Variants in LPP observed in about 807,000 individuals in gnomAD.
LPP encodes the protein lipoma-preferred partner.
LPP carries 38 observed loss-of-function variants against 60.4 expected under a neutral mutation model. The ratio of observed to expected loss-of-function variants is 0.63; its 90% confidence interval spans 0.49 to 0.83. The LOEUF is 0.83. LPP is among the 40% of genes least tolerant of loss of function. LPP has a pLI of 0.00. For synonymous variants in LPP, 328 were observed against 290.8 expected, an observed-to-expected ratio of 1.13 and a Z score of -1.30; for missense variants, 902 against 783.6, an observed-to-expected ratio of 1.15 and a Z score of -1.80.
At chr3:188,216,957 A>G (rs975904812) in intron 1 of LPP, among the ~76,000 whole-genome samples, 1 of 152,212 alleles carries the variant, frequency 6.6e-6, no homozygotes, top group Non-Finnish European at 1.5e-5. Flanking sequence ...AATTTTATTA[A>G]ATCTTTATTG....
intron 2 of LPP, among the ~76,000 whole-genome samples, chr3:188,284,340 T>C (rs1743185369): frequency 6.6e-6 from 1 of 152,100 alleles, no homozygotes; most frequent in Admixed American, 6.5e-5. Flanking sequence ...TAGTGTTTAT[T>C]CAAGGTGGAG....
intron 3 of LPP, among the ~76,000 whole-genome samples, chr3:188,387,361 A>T (rs1190533677): frequency 6.6e-6 from 1 of 152,150 alleles, no homozygotes; most frequent in African/African-American, 2.4e-5. Context: ...GACATCATAC[A>T]TTAAGCATTT....
chr3:188,689,895 G>A (rs1024301628), intron 7 of LPP, among the ~76,000 whole-genome samples: 1 of 150,340 alleles, frequency 6.7e-6, no homozygotes, highest in Admixed American at 6.6e-5. Context: ...ACACATGATG[G>A]TATATCAGGA....
At chr3:188,804,516 A>G (rs1012302275) in intron 9 of LPP, among the ~76,000 whole-genome samples, 2 of 151,602 alleles carry the variant, frequency 1.3e-5, no homozygotes, top group African/African-American at 4.8e-5. Flanking sequence ...ACAGTCCAGT[A>G]CTCACTCTTC....
At chr3:188,376,333 G>T (rs1337881666) in intron 3 of LPP, among the ~76,000 whole-genome samples, 1 of 151,784 alleles carries the variant, frequency 6.6e-6, no homozygotes, top group African/African-American at 2.4e-5. Flanking sequence ...TTATTGTGTG[G>T]GAGTCTAAGT....
intron 4 of LPP, among the ~76,000 whole-genome samples, chr3:188,468,547 T>G (rs951159060): frequency 2.6e-5 from 4 of 152,158 alleles, no homozygotes; most frequent in Non-Finnish European, 5.9e-5. Flanking sequence ...TGTCAGTTTA[T>G]AACATTGTGC....
intron 6 of LPP, among the ~76,000 whole-genome samples, chr3:188,567,389 T>C (rs555289879): frequency 6.6e-6 from 1 of 152,054 alleles, no homozygotes; most frequent in South Asian, 2.1e-4. Flanking sequence ...TTTCTCACAG[T>C]TTAATTTCTT....
chr3:188,295,776 C>T (rs1361593567), intron 2 of LPP, among the ~76,000 whole-genome samples: 1 of 152,214 alleles, frequency 6.6e-6, no homozygotes, highest in Admixed American at 6.5e-5. Flanking sequence ...TGAAGTGAGC[C>T]TCAGCCTCCC....
chr3:188,787,423 C>G (rs377645769), intron 9 of LPP, among the ~76,000 whole-genome samples: 1 of 151,554 alleles, frequency 6.6e-6, no homozygotes, highest in African/African-American at 2.4e-5. Flanking sequence ...CTCTCTCTTA[C>G]ACACACACGC....
chr3:188,412,194 G>A (rs146244268), intron 4 of LPP, among the ~76,000 whole-genome samples: 273 of 152,046 alleles, frequency 1.8e-3, no homozygotes, highest in African/African-American at 6.3e-3. Context: ...GGCATGACAT[G>A]CCAGTTCTCA....
chr3:188,700,588 G>A (rs1864202842), intron 7 of LPP, among the ~76,000 whole-genome samples: 1 of 152,164 alleles, frequency 6.6e-6, no homozygotes, highest in South Asian at 2.1e-4. Context: ...GGGATGATAA[G>A]GTGATTAACC....
intron 9 of LPP, among the ~76,000 whole-genome samples, chr3:188,773,351 G>T (rs921697733): frequency 6.5e-5 from 8 of 123,328 alleles, no homozygotes; most frequent in Non-Finnish European, 1.1e-4. Flanking sequence ...TATTATGTAG[G>T]TCTTCAAAGA....
chr3:188,583,462 C>T (rs746018058), intron 6 of LPP, among the ~76,000 whole-genome samples: 2 of 152,132 alleles, frequency 1.3e-5, no homozygotes, highest in Non-Finnish European at 2.9e-5. Flanking sequence ...ATTTTCAGCA[C>T]ACTCCTCTGG....
chr3:188,423,431 A>C (rs12636056), intron 4 of LPP, among the ~76,000 whole-genome samples: 92,411 of 152,070 alleles, frequency 0.61, 30,322 homozygotes, highest in East Asian at 0.99. Context: ...TTCATAGTAG[A>C]ATGATTTATA....
intron 7 of LPP, among the ~76,000 whole-genome samples, chr3:188,654,311 C>T (rs536104654): frequency 6.6e-6 from 1 of 152,220 alleles, no homozygotes; most frequent in African/African-American, 2.4e-5. Flanking sequence ...CAATCAGTGA[C>T]CTCAGGGAAA....
At chr3:188,495,076 ATATATAT>A (rs1809597914) in intron 5 of LPP, among the ~76,000 whole-genome samples, 1 of 100,838 alleles carries the variant, frequency 9.9e-6, no homozygotes, top group East Asian at 4.1e-4. Context: ...ATATATATAT[ATATATAT>A]TTTATTTATA....
At chr3:188,737,042 A>T (rs1330543554) in intron 8 of LPP, among the ~76,000 whole-genome samples, 3 of 152,136 alleles carry the variant, frequency 2.0e-5, no homozygotes, top group Middle Eastern at 3.2e-3. Flanking sequence ...ATTTCTTTTT[A>T]AAAAACACCT....
At chr3:188,589,478 A>G (rs1261955331) in intron 6 of LPP, among the ~76,000 whole-genome samples, 1 of 152,244 alleles carries the variant, frequency 6.6e-6, no homozygotes, top group East Asian at 1.9e-4. Flanking sequence ...GTTTATGCAC[A>G]TAGACATGAA....
In LPP at chr3:188,744,161, C is replaced by T. The variant is rs775821139; in HGVS notation, c.1241-15952C>T. 4.6e-5 allele frequency among the ~76,000 whole-genome samples: 7 copies of T among 152,102 alleles called. No individual in the cohort carries two copies. The East Asian group carries it at 9.6e-4, about 21-fold the overall frequency. ...ATATACACAGCCATTTACTTACACA[C>T]GTGTACACAAAGGTGTATATCCACA... On this transcript the variant is annotated intron_variant, in intron 8 of 11. Coordinates refer to ENST00000617246, the MANE Select transcript of LPP (RefSeq NM_001375462.1).
Sources: allele counts gnomAD v4.1 joint callset (sites outside exome capture counted in the v4.1 genomes callset), GRCh38; gene constraint gnomAD v4.1.1; transcripts MANE v1.5; gene names NCBI Gene and HGNC (gene_info 2026-07-23, HGNC 2026-07-21).